Variants in CLEC4D observed in about 807,000 individuals in gnomAD.
The protein encoded by CLEC4D is C-type lectin domain family 4 member D.
CLEC4D carries 21 observed loss-of-function variants against 21.1 expected under a neutral mutation model. The observed-to-expected ratio is 1.00, with a 90% CI of 0.71 to 1.43. The LOEUF is 1.43. CLEC4D is among the 40% of genes most tolerant of loss of function. CLEC4D has a pLI of 0.00. For synonymous variants in CLEC4D, 85 were observed against 83.1 expected (o/e 1.02, Z -0.12); for missense variants, 289 against 260.7 (o/e 1.11, Z -0.75).
chr12:8,520,477 T>C, intron 5 of CLEC4D, 136 bp downstream of exon 5: 1 of 1,363,094 alleles, frequency 7.3e-7, no homozygotes, highest in South Asian at 2.0e-5. Context: ...AATCTCCATA[T>C]GCTATGTCCC....
the CLEC4D span, among the ~76,000 whole-genome samples, chr12:8,531,346 A>G: frequency 1.4e-4 from 21 of 152,364 alleles, no homozygotes; most frequent in African/African-American, 4.6e-4. Context: ...AGTCATTATC[A>G]GGAAACGGAA....
chr12:8,529,204 T>C, the CLEC4D span, among the ~76,000 whole-genome samples: 2 of 152,156 alleles, frequency 1.3e-5, no homozygotes, highest in Non-Finnish European at 2.9e-5. Context: ...CCAAGGAAGA[T>C]TTTTTTCCCT....
At chr12:8,518,102 C>T in intron 2 of CLEC4D, 62 bp from the exon 3 acceptor site, 1 of 716,278 alleles carries the variant, frequency 1.4e-6, no homozygotes, top group Admixed American at 2.4e-5. Flanking sequence ...AAGGTCAGCC[C>T]CTATTTCCCT....
chr12:8,522,453 A>G (rs1196427700), downstream of CLEC4D: 6 of 152,274 alleles, frequency 3.9e-5, no homozygotes. Context: ...ACTGCTTTTA[A>G]AAGCAGTATT....
In CLEC4D at chr12:8,518,165, G is replaced by C. The variant is rs1474634816; in HGVS notation, c.123G>C (p.Val41=). 1 of 1,111,684 alleles carries C rather than the reference G, an allele frequency of 9.0e-7. No homozygotes were observed. Among genetic ancestry groups the C allele is most frequent in the South Asian group, 1.2e-5 (1 of 80,310 alleles). The allele number at this position is 1,111,684 out of a possible 1,614,324, so 68.9% of individuals were successfully genotyped here. ...CTAACTTGCTTTTATCCTTGACAGT[G>C]ACTCATCACAACTTTTCACGCTGTA... The part of the protein sequence containing the change: ...LSVCFIASCL[V]THHNFSRCKR... The change falls in exon 3 of 6, where the codon GTG becomes GTC. Residue 41 remains valine, a splice_region_variant and synonymous_variant. Transcript: ENST00000299665.
At chr12:8,518,916 T>C (rs1215903484) in intron 3 of CLEC4D, 93 bp from the exon 4 acceptor site, 6 of 1,459,320 alleles carry the variant, frequency 4.1e-6, no homozygotes. Context: ...TTCTCACAAA[T>C]ATTAATTGGA....
At chr12:8,527,149 C>T (rs1940513094), downstream of CLEC4D, among the ~76,000 whole-genome samples, 2 of 152,130 alleles carry the variant, frequency 1.3e-5, no homozygotes, top group African/African-American at 4.8e-5. Flanking sequence ...TCTGACAACC[C>T]CTGTTGAAGG....
the CLEC4D span, among the ~76,000 whole-genome samples, chr12:8,528,435 C>T: frequency 1.3e-5 from 2 of 152,216 alleles, no homozygotes; most frequent in East Asian, 1.9e-4. Flanking sequence ...AAATAAATTT[C>T]TTTTCTTTAT....
the CLEC4D span, among the ~76,000 whole-genome samples, chr12:8,530,264 CA>C: frequency 2.6e-5 from 4 of 152,048 alleles, no homozygotes; most frequent in Non-Finnish European, 5.9e-5. Flanking sequence ...AGTTTAAGAA[CA>C]AAACTATAGC....
intron 2 of CLEC4D, among the ~76,000 whole-genome samples, chr12:8,517,596 A>G (rs116655599): frequency 1.3e-5 from 2 of 152,210 alleles, no homozygotes; most frequent in East Asian, 1.9e-4. Flanking sequence ...ACAAATTTTG[A>G]TAGAAAAACA....
At chr12:8,515,538 T>A (rs1209067843) in intron 2 of CLEC4D, among the ~76,000 whole-genome samples, 1 of 152,182 alleles carries the variant, frequency 6.6e-6, no homozygotes, top group East Asian at 1.9e-4. Context: ...TTGATGGAAT[T>A]TAGACCATTT....
chr12:8,516,297 A>G (rs1940380844), intron 2 of CLEC4D, among the ~76,000 whole-genome samples: 1 of 152,236 alleles, frequency 6.6e-6, no homozygotes, highest in African/African-American at 2.4e-5. Context: ...TGTACAACAA[A>G]ACATACCAGT....
chr12:8,521,569 A>G lies in CLEC4D; in HGVS notation c.*298A>G. ...CAATTGGTGTGCACTGAATGCATGT[A>G]TGGAAGAATAGCGTGAATAATGCAA... On this transcript the variant is annotated 3_prime_UTR_variant, in exon 6 of 6. Coordinates refer to ENST00000299665, the MANE Select transcript of CLEC4D (RefSeq NM_080387.5). 1 of 253,924 alleles carries G rather than the reference A, an allele frequency of 3.9e-6. No individual in the cohort carries two copies. The highest frequency in any genetic ancestry group is 5.6e-5 in the Admixed American group (1 of 18,000). 15.7% of individuals were successfully genotyped at this position (253,924 alleles called of 1,614,324 possible).
downstream of CLEC4D, among the ~76,000 whole-genome samples, chr12:8,525,583 T>C (rs996265700): frequency 2.6e-5 from 4 of 152,340 alleles, no homozygotes; most frequent in South Asian, 4.2e-4. Flanking sequence ...TTGTGTGTCT[T>C]TGCATGTAAG....
the CLEC4D span, among the ~76,000 whole-genome samples, chr12:8,531,425 TTTTG>T: frequency 9.8e-5 from 15 of 152,314 alleles, no homozygotes; most frequent in African/African-American, 2.9e-4. Flanking sequence ...GTTTATAATT[TTTTG>T]TTTGTTTTGT....
At chr12:8,516,898 G>T (rs1277065826) in intron 2 of CLEC4D, among the ~76,000 whole-genome samples, 4 of 152,154 alleles carry the variant, frequency 2.6e-5, no homozygotes, top group Admixed American at 1.3e-4. Flanking sequence ...GAAGACAATA[G>T]TTCACTTTAC....
At chr12:8,523,023 T>C (rs1353689691), downstream of CLEC4D, among the ~76,000 whole-genome samples, 2 of 152,188 alleles carry the variant, frequency 1.3e-5, no homozygotes, top group Non-Finnish European at 2.9e-5. Context: ...ATGGTGTTAT[T>C]GCTGAAGTCT....
At chr12:8,516,927 A>G (rs1940389380) in intron 2 of CLEC4D, among the ~76,000 whole-genome samples, 1 of 152,242 alleles carries the variant, frequency 6.6e-6, no homozygotes, top group Non-Finnish European at 1.5e-5. Flanking sequence ...CAATGGATGA[A>G]TTATAGCGGG....
At chr12:8,519,892 A>G (rs1940435794) in intron 4 of CLEC4D, among the ~76,000 whole-genome samples, 1 of 152,238 alleles carries the variant, frequency 6.6e-6, no homozygotes, top group South Asian at 2.1e-4. Context: ...TTAATGAAAT[A>G]TGCACGCAAT....
Sources: gnomAD v4.1 joint callset for allele counts (sites outside exome capture counted in the v4.1 genomes callset) on GRCh38, gnomAD v4.1.1 for gene constraint, MANE v1.5 for transcripts, NCBI Gene and HGNC (gene_info 2026-07-23, HGNC 2026-07-21) for gene names.